The following BPIFC variants were observed in gnomAD, a reference collection of about 807,000 sequenced individuals.
BPIFC encodes the protein BPI fold containing family C.
Under a neutral mutation model 57.6 loss-of-function variants are expected in BPIFC, and 60 were observed. The observed-to-expected ratio is 1.04, with a 90% CI of 0.85 to 1.29. BPIFC has a LOEUF of 1.29. BPIFC is among the 50% of genes most tolerant of loss of function. The pLI, the probability that BPIFC is intolerant of heterozygous loss-of-function variation, is 0.00. For synonymous variants in BPIFC, 243 were observed against 224.5 expected (o/e 1.08, Z -0.74); for missense variants, 581 against 600.5 (o/e 0.97, Z 0.34).
At chr22:32,446,862 G>C (rs772013388) in intron 5 of BPIFC, 4 of 935,076 alleles carry the variant, frequency 4.3e-6, no homozygotes, top group African/African-American at 3.6e-5. Flanking sequence ...TACTCCTGCA[G>C]ATGGGGAAGT....
At chr22:32,445,381 CA>C (rs1295411298) in intron 7 of BPIFC, among the ~76,000 whole-genome samples, 3 of 151,946 alleles carry the variant, frequency 2.0e-5, no homozygotes, top group African/African-American at 7.2e-5. Context: ...ACTAAAAATA[CA>C]AAAAATTAGC....
At chr22:32,457,524 T>TCCATCCATCCATCCATCCATCCAA in intron 2 of BPIFC, 138 bp from the exon 3 acceptor site, 1 of 768,826 alleles carries the variant, frequency 1.3e-6, no homozygotes, top group Non-Finnish European at 2.0e-6. Context: ...CATCCATTCA[T>TCCATCCATCCATCCATCCATCCAA]CCATCCATCC....
intron 13 of BPIFC, among the ~76,000 whole-genome samples, chr22:32,429,472 C>T (rs2145925509): frequency 7.0e-6 from 1 of 142,296 alleles, no homozygotes; most frequent in South Asian, 2.3e-4. Context: ...TCCCAAAGTG[C>T]TGGGATTACA....
At position 32,414,151 on chromosome 22, in the gene BPIFC, T is replaced by C. The variant is rs368016505; in HGVS notation, c.*152A>G. ...CCCTTTAACAGAGTCTGCCTTATTC[T>C]GGGTTCCTGAAGGCTTAAGAAAGAA... On this transcript the variant is annotated 3_prime_UTR_variant, in exon 17 of 17. Coordinates refer to ENST00000300399, the MANE Select transcript of BPIFC (RefSeq NM_174932.3). 9.5e-5 allele frequency: 91 copies of C among 962,888 alleles called. 1 individual carries two copies. The highest frequency in any genetic ancestry group is 8.3e-4 in the African/African-American group (50 of 60,544). The allele number at this position is 962,888 out of a possible 1,614,324, so 59.6% of individuals were successfully genotyped here. A position where few individuals can be genotyped will look rare whatever the true frequency, so the allele number is the denominator to read the frequency against.
rs1217012074 is a variant in BPIFC at position 32,447,213 on chromosome 22, A to G, written c.373T>C (p.Phe125Leu). ...CAGACATTTCAGTGGAATACTCACA[A>G]AAGTGGAGACTCGAACCCCCAGTCT... ...STDWGFESPL[F>L]QDTGGADLFL... The change falls in exon 5 of 17, where the codon TTC becomes CTC. Residue 125 changes from phenylalanine (F) to leucine (L), a missense_variant and splice_region_variant. By Grantham distance (22) the Phe-to-Leu change is conservative. Transcript: ENST00000300399. The G allele has an allele frequency of 1.3e-6, 2 of 1,596,428 alleles. No homozygotes were observed. Among genetic ancestry groups the G allele is most frequent in the East Asian group, 4.5e-5 (2 of 44,468 alleles).
chr22:32,440,328 A>G (rs1934529677), intron 8 of BPIFC, among the ~76,000 whole-genome samples: 1 of 151,732 alleles, frequency 6.6e-6, no homozygotes, highest in Admixed American at 6.6e-5. Flanking sequence ...TTTATATAGA[A>G]ACAAGGTCTC....
chr22:32,445,326 A>G (rs937641887), intron 7 of BPIFC, among the ~76,000 whole-genome samples: 1 of 152,178 alleles, frequency 6.6e-6, no homozygotes, highest in Non-Finnish European at 1.5e-5. Flanking sequence ...TCACGAGTTC[A>G]GGAGATCAAG....
chr22:32,461,623 T>C lies in BPIFC; in HGVS notation c.-50A>G, dbSNP rs1416361302. ...GATCTTCTGCTGTGCTGGGCCTTTC[T>C]TGATCCTTTAGTTGCCCTTGGAGGT... is the stretch of plus-strand genomic sequence containing the variant. On this transcript the variant is annotated 5_prime_UTR_variant, in exon 2 of 17. Coordinates refer to ENST00000300399, the MANE Select transcript of BPIFC (RefSeq NM_174932.3). 1.2e-5 allele frequency: 12 copies of C among 985,480 alleles called. No homozygotes were observed. Among genetic ancestry groups the C allele is most frequent in the Non-Finnish European group, 1.4e-5 (12 of 830,082 alleles). The allele number at this position is 985,480 out of a possible 1,614,324, so 61.0% of individuals were successfully genotyped here.
chr22:32,459,587 C>T (rs185206414), intron 2 of BPIFC, among the ~76,000 whole-genome samples: 144 of 152,010 alleles, frequency 9.5e-4, no homozygotes, highest in African/African-American at 3.2e-3. Flanking sequence ...GGCATGAATC[C>T]GGGAGGCGGA....
intron 8 of BPIFC, among the ~76,000 whole-genome samples, chr22:32,441,808 A>G (rs902182857): frequency 9.2e-5 from 14 of 152,178 alleles, no homozygotes; most frequent in African/African-American, 3.4e-4. Context: ...GGACCAGTTT[A>G]ATGGAAGATG....
intron 16 of BPIFC, 128 bp from the exon 17 acceptor site, chr22:32,414,553 G>A (rs896243739): frequency 1.8e-5 from 21 of 1,193,840 alleles, no homozygotes; most frequent in Middle Eastern, 3.0e-4. Flanking sequence ...AAAGGCTGTC[G>A]CCCAGGCTGG....
At chr22:32,462,168 C>CAAAAAAAAAAAAAAAAAAAAAAAGAAA (rs35716277) in intron 1 of BPIFC, among the ~76,000 whole-genome samples, 1 of 53,600 alleles carries the variant, frequency 1.9e-5, no homozygotes, top group Non-Finnish European at 3.2e-5. Flanking sequence ...GACTCCATCT[C>CAAAAAAAAAAAAAAAAAAAAAAAGAAA]AAAAAAAAAA....
At chr22:32,426,713 G>A (rs553273986) in intron 13 of BPIFC, among the ~76,000 whole-genome samples, 4 of 151,904 alleles carry the variant, frequency 2.6e-5, no homozygotes, top group East Asian at 1.9e-4. Flanking sequence ...CCAACATGGC[G>A]AAACCCCGTC....
At chr22:32,437,333 A>C (rs1380661976) in intron 9 of BPIFC, among the ~76,000 whole-genome samples, 1 of 152,178 alleles carries the variant, frequency 6.6e-6, no homozygotes, top group Non-Finnish European at 1.5e-5. Context: ...TTCCAAGAGC[A>C]TGTATATAGA....
intron 2 of BPIFC, among the ~76,000 whole-genome samples, chr22:32,459,049 GA>G (rs1935103303): frequency 1.3e-5 from 2 of 152,218 alleles, no homozygotes; most frequent in Admixed American, 6.5e-5. Context: ...TTCTTTTAAT[GA>G]AAATCAAGTG....
chr22:32,457,227 G>A, intron 3 of BPIFC, 36 bp downstream of exon 3: 1 of 1,574,298 alleles, frequency 6.4e-7, no homozygotes, highest in Non-Finnish European at 8.6e-7. Flanking sequence ...CCACCTAGTG[G>A]GCCTGAGGTC....
intron 1 of BPIFC, among the ~76,000 whole-genome samples, chr22:32,463,282 C>G (rs1390462388): frequency 6.6e-6 from 1 of 152,118 alleles, no homozygotes; most frequent in Non-Finnish European, 1.5e-5. Context: ...ATTTGGCTGA[C>G]AAGTGCAGGC....
chr22:32,429,449 G>A (rs1187146780), intron 13 of BPIFC, among the ~76,000 whole-genome samples: 8 of 146,862 alleles, frequency 5.4e-5, no homozygotes, highest in African/African-American at 1.5e-4. Context: ...CTCATGATCC[G>A]CTCGCCTCAG....
chr22:32,414,395 A>G lies in BPIFC; in HGVS notation c.1432T>C (p.Tyr478His). The G allele has an allele frequency of 1.2e-6, 2 of 1,613,992 alleles. No individual in the cohort carries two copies. The highest frequency in any genetic ancestry group is 1.1e-5 in the South Asian group (1 of 91,058). The change falls in exon 17 of 17, where the codon TAT (tyrosine) becomes CAT (histidine). Residue 478 changes from tyrosine to histidine, a missense_variant. Tyr to His is a moderately conservative substitution (Grantham distance 83). Transcript: ENST00000300399. ...GGCTGCTGCTTTGAGGATGTTTCAT[A>G]CTTCAGGTCGGTGGAAATCAAAAGG... is the stretch of plus-strand genomic sequence containing the variant. ...GFLLISTDLK[Y>H]ETSSKQQPSF...
Sources: gnomAD v4.1 joint callset for allele counts (sites outside exome capture counted in the v4.1 genomes callset) on GRCh38, gnomAD v4.1.1 for gene constraint, MANE v1.5 for transcripts, NCBI Gene and HGNC (gene_info 2026-07-23, HGNC 2026-07-21) for gene names.